The following SPATA6 variants were observed in gnomAD, a reference collection of about 807,000 sequenced individuals.
SPATA6 encodes spermatogenesis associated 6.
A neutral mutation model predicts 65.3 loss-of-function variants in SPATA6; 56 were observed. The observed-to-expected ratio is 0.86, with a 90% confidence interval of 0.69 to 1.07. The LOEUF (loss-of-function observed/expected upper bound fraction) is 1.07, where lower values mean the gene tolerates loss of function less well. Among genes scored for constraint, SPATA6 ranks in the 50% least tolerant of loss-of-function variants. The probability of loss-of-function intolerance (pLI) is 0.00; values close to 1 mark genes in which losing one functional copy is unlikely to be tolerated. For missense variants in SPATA6, 590 were observed against 594.8 expected (o/e 0.99, Z 0.08); for synonymous variants, 199 against 213.2 (o/e 0.93, Z 0.58).
At position 48,324,643 on chromosome 1, in the gene SPATA6, C is replaced by A. The variant is rs184732252; in HGVS notation, c.1195-18765G>T. Among the ~76,000 whole-genome samples, 4 of 152,122 alleles carry A rather than the reference C, an allele frequency of 2.6e-5. No individual in the cohort carries two copies. The East Asian group carries it at 5.8e-4, about 22-fold the overall frequency. ...AAAAAGTATGTTATAAAATTCAACA[C>A]CCCTTCATAATAAAAACTCTCAAAA... is the stretch of plus-strand genomic sequence containing the variant. On this transcript the variant is annotated intron_variant, in intron 11 of 12. Coordinates refer to ENST00000371847, the MANE Select transcript of SPATA6 (RefSeq NM_019073.4).
intron 10 of SPATA6, among the ~76,000 whole-genome samples, chr1:48,357,543 A>G (rs1407385979): frequency 6.6e-6 from 1 of 152,134 alleles, no homozygotes; most frequent in Non-Finnish European, 1.5e-5. Flanking sequence ...CTATAACTGT[A>G]TGTTCTGTCA....
chr1:48,268,079 T>G, the SPATA6 span, among the ~76,000 whole-genome samples: 1 of 151,812 alleles, frequency 6.6e-6, no homozygotes, highest in Non-Finnish European at 1.5e-5. Flanking sequence ...AGTCACAGAA[T>G]GGGGTACGTG....
At chr1:48,426,509 A>G (rs1653851945) in intron 3 of SPATA6, among the ~76,000 whole-genome samples, 1 of 152,214 alleles carries the variant, frequency 6.6e-6, no homozygotes, top group Non-Finnish European at 1.5e-5. Flanking sequence ...AAAATGGACT[A>G]GCAAAAGTGA....
intron 1 of SPATA6, among the ~76,000 whole-genome samples, chr1:48,469,816 GGC>G (rs1491495086): frequency 5.9e-5 from 9 of 151,558 alleles, no homozygotes; most frequent in African/African-American, 2.2e-4. Flanking sequence ...TTGTGGGGGG[GGC>G]GGTCAGGGGC....
Position 48,359,771 on chromosome 1 carries a change from C to G in SPATA6, c.910-1G>C, listed in dbSNP as rs1325758549. 6.2e-7 allele frequency: 1 copy of G among 1,602,302 alleles called. No homozygotes were observed. Among genetic ancestry groups the G allele is most frequent in the African/African-American group, 1.3e-5 (1 of 74,384 alleles). On this transcript the variant is annotated splice_acceptor_variant, in intron 9 of 12. Transcript: ENST00000371847. LOFTEE classifies it high-confidence loss of function. ...CTCTCCCATGGGGTGTCCTGATAAC[C>G]TGTTTTAAAAATTATATACATATAG...
chr1:48,396,474 C>T (rs12726000), intron 7 of SPATA6, among the ~76,000 whole-genome samples: 1 of 151,558 alleles, frequency 6.6e-6, no homozygotes. Context: ...CACTGTGACA[C>T]AGCAACATTA....
At chr1:48,302,005 C>T (rs968816844) in intron 12 of SPATA6, among the ~76,000 whole-genome samples, 5 of 152,094 alleles carry the variant, frequency 3.3e-5, no homozygotes, top group Non-Finnish European at 7.4e-5. Context: ...TCCAGTAATT[C>T]ATTTTTCATG....
At chr1:48,376,757 C>G (rs1647964272) in intron 9 of SPATA6, among the ~76,000 whole-genome samples, 1 of 152,032 alleles carries the variant, frequency 6.6e-6, no homozygotes, top group Non-Finnish European at 1.5e-5. Flanking sequence ...TTACATAAAT[C>G]TAGATGGTAT....
intron 11 of SPATA6, among the ~76,000 whole-genome samples, chr1:48,309,549 T>C (rs1295260845): frequency 6.6e-6 from 1 of 152,192 alleles, no homozygotes; most frequent in Non-Finnish European, 1.5e-5. Context: ...TAACACTTTA[T>C]TTCTTTATAA....
At chr1:48,434,264 A>G (rs1160792777) in intron 3 of SPATA6, among the ~76,000 whole-genome samples, 1 of 151,292 alleles carries the variant, frequency 6.6e-6, no homozygotes, top group Admixed American at 6.6e-5. Flanking sequence ...TGAAAGAAAA[A>G]AAAAAAAAAA....
At chr1:48,384,181 C>T (rs373501668) in intron 9 of SPATA6, among the ~76,000 whole-genome samples, 3 of 148,886 alleles carry the variant, frequency 2.0e-5, no homozygotes, top group African/African-American at 5.0e-5. Flanking sequence ...CAAAAAAAAA[C>T]GAAAACCAGT....
At chr1:48,317,144 GA>G (rs1188138130) in intron 11 of SPATA6, among the ~76,000 whole-genome samples, 2 of 152,288 alleles carry the variant, frequency 1.3e-5, no homozygotes, top group East Asian at 3.9e-4. Context: ...TCTAGAACTA[GA>G]AATACCATTT....
chr1:48,452,004 T>C (rs1656614167), intron 2 of SPATA6, among the ~76,000 whole-genome samples: 1 of 152,210 alleles, frequency 6.6e-6, no homozygotes, highest in Non-Finnish European at 1.5e-5. Flanking sequence ...TCTGACCACC[T>C]TTTAAAATAG....
rs1243138509 is a variant in SPATA6, at chr1:48,399,353, G to A, written c.778C>T (p.His260Tyr). 6 of 1,611,554 alleles carry A rather than the reference G, an allele frequency of 3.7e-6. No individual in the cohort carries two copies. In the African/African-American group the frequency reaches 6.7e-5, roughly 18 times the overall value. ...ETDKPPFVIR[H>Y]VDPPSPRADT... Reference sequence around the variant, plus strand: ...GAAATGCTTAAGAGAACACATACATGTCTAATCACAAATGGAGGTTTATCT... The same window carrying A: ...GAAATGCTTAAGAGAACACATACATATCTAATCACAAATGGAGGTTTATCT... The change falls in exon 7 of 13, where the codon CAT (histidine) becomes TAT (tyrosine). Residue 260 changes from histidine (H) to tyrosine (Y), a missense_variant and splice_region_variant. Physicochemically the swap from His to Tyr is moderately conservative, Grantham distance 83. Coordinates refer to ENST00000371847, the MANE Select transcript of SPATA6 (RefSeq NM_019073.4).
intron 1 of SPATA6, among the ~76,000 whole-genome samples, chr1:48,457,099 T>C (rs1657063166): frequency 6.6e-6 from 1 of 151,418 alleles, no homozygotes. Flanking sequence ...TTTTAAAAGA[T>C]CACAGAACTC....
At chr1:48,327,175 A>C (rs1402609870) in intron 11 of SPATA6, among the ~76,000 whole-genome samples, 1 of 152,176 alleles carries the variant, frequency 6.6e-6, no homozygotes, top group Non-Finnish European at 1.5e-5. Context: ...CCAATAAAAA[A>C]CCAGGCAAAG....
At chr1:48,309,754 C>T in intron 11 of SPATA6, among the ~76,000 whole-genome samples, 1 of 152,126 alleles carries the variant, frequency 6.6e-6, no homozygotes, top group South Asian at 2.1e-4. Flanking sequence ...AGTCAACATT[C>T]CTTTTTGTGG....
chr1:48,290,072 A>T, the SPATA6 span, among the ~76,000 whole-genome samples: 1 of 152,248 alleles, frequency 6.6e-6, no homozygotes, highest in Admixed American at 6.5e-5. Context: ...AGTTGAAATG[A>T]AGGAAAAAAT....
intron 12 of SPATA6, among the ~76,000 whole-genome samples, chr1:48,302,186 CTT>C (rs1461980413): frequency 3.3e-5 from 5 of 152,012 alleles, no homozygotes; most frequent in African/African-American, 9.7e-5. Context: ...CCTTGTGTCT[CTT>C]GTTTCTTTAT....
Sources: allele counts gnomAD v4.1 joint callset (sites outside exome capture counted in the v4.1 genomes callset), GRCh38; gene constraint gnomAD v4.1.1; transcripts MANE v1.5; gene names NCBI Gene and HGNC (gene_info 2026-07-23, HGNC 2026-07-21).